RAVER2: variants seen among roughly 807,000 people sequenced by gnomAD.
The protein encoded by RAVER2 is ribonucleoprotein, PTB binding 2, also known as ribonucleoprotein PTB-binding 2.
Under a neutral mutation model 78.1 loss-of-function variants are expected in RAVER2, and 46 were observed. The ratio of observed to expected loss-of-function variants is 0.59; its 90% CI spans 0.46 to 0.75. RAVER2 has a LOEUF of 0.75. RAVER2 is among the 30% of genes least tolerant of loss of function. RAVER2 has a pLI of 0.00. For missense variants in RAVER2, 793 were observed against 837.5 expected (o/e 0.95, Z 0.66); for synonymous variants, 311 against 313.3 (o/e 0.99, Z 0.08).
At chr1:64,800,502 A>G (rs1027383577) in intron 5 of RAVER2, among the ~76,000 whole-genome samples, 2 of 152,178 alleles carry the variant, frequency 1.3e-5, no homozygotes, top group Non-Finnish European at 2.9e-5. Context: ...ATTCTTTTGC[A>G]TATGAATATT....
At chr1:64,753,307 G>C (rs72918064) in intron 1 of RAVER2, among the ~76,000 whole-genome samples, 3,390 of 152,012 alleles carry the variant, frequency 0.022, 146 homozygotes, top group African/African-American at 0.078. Context: ...TGCCCTGCTT[G>C]GCCTCCCAAA....
At chr1:64,812,288 G>A (rs1653632730) in intron 9 of RAVER2, among the ~76,000 whole-genome samples, 1 of 150,770 alleles carries the variant, frequency 6.6e-6, no homozygotes, top group South Asian at 2.1e-4. Context: ...CTTGAACCTG[G>A]GAGGCGGAGG....
chr1:64,831,000 T>C, exon 12 of RAVER2: 1 of 1,610,588 alleles, frequency 6.2e-7, no homozygotes, highest in Non-Finnish European at 8.5e-7. Context: ...AGCTCTCTCC[T>C]AATAACCCCC....
At chr1:64,762,977 C>T (rs1652061896) in intron 1 of RAVER2, among the ~76,000 whole-genome samples, 1 of 152,206 alleles carries the variant, frequency 6.6e-6, no homozygotes. Flanking sequence ...TTTGCAATAC[C>T]AATATTTGAC....
At chr1:64,761,723 G>A (rs1570532494) in intron 1 of RAVER2, among the ~76,000 whole-genome samples, 1 of 151,952 alleles carries the variant, frequency 6.6e-6, no homozygotes, top group East Asian at 1.9e-4. Context: ...GATAAATAAA[G>A]TTTAAAGATA....
chr1:64,822,063 G>A (rs183606843), intron 11 of RAVER2, among the ~76,000 whole-genome samples: 18 of 152,288 alleles, frequency 1.2e-4, no homozygotes, highest in Admixed American at 2.0e-4. Flanking sequence ...CATGGCGGGC[G>A]GATCACGAGG....
At chr1:64,781,297 C>G (rs1333986399) in intron 3 of RAVER2, 83 bp from the exon 4 acceptor site, 2 of 1,317,290 alleles carry the variant, frequency 1.5e-6, no homozygotes, top group Non-Finnish European at 2.0e-6. Context: ...TGCACTTGTT[C>G]TTGAATTTGA....
At chr1:64,801,185 G>A (rs978967331) in intron 5 of RAVER2, among the ~76,000 whole-genome samples, 3 of 151,324 alleles carry the variant, frequency 2.0e-5, no homozygotes, top group South Asian at 2.1e-4. Flanking sequence ...TGCAACCTCC[G>A]CCTCCCAGCC....
At chr1:64,776,520 C>G (rs944558680) in intron 2 of RAVER2, among the ~76,000 whole-genome samples, 1 of 152,202 alleles carries the variant, frequency 6.6e-6, no homozygotes, top group African/African-American at 2.4e-5. Context: ...GCCCATGCTA[C>G]TTAAATTACT....
At chr1:64,812,100 CTT>C (rs1164581223) in intron 9 of RAVER2, among the ~76,000 whole-genome samples, 1 of 151,876 alleles carries the variant, frequency 6.6e-6, no homozygotes, top group Non-Finnish European at 1.5e-5. Flanking sequence ...AATCTCAACA[CTT>C]TGGTGTTGAG....
chr1:64,756,633 A>G (rs905971650), intron 1 of RAVER2, among the ~76,000 whole-genome samples: 1 of 152,218 alleles, frequency 6.6e-6, no homozygotes, highest in East Asian at 1.9e-4. Flanking sequence ...TATACAACCA[A>G]TGTACATCAG....
chr1:64,752,546 C>A (rs1455093444), intron 1 of RAVER2, among the ~76,000 whole-genome samples: 2 of 152,142 alleles, frequency 1.3e-5, no homozygotes, highest in Non-Finnish European at 2.9e-5. Flanking sequence ...ACTCAGTTGC[C>A]TTTCTTCCTC....
intron 11 of RAVER2, among the ~76,000 whole-genome samples, chr1:64,829,229 A>G (rs1654068186): frequency 6.6e-6 from 1 of 152,230 alleles, no homozygotes; most frequent in South Asian, 2.1e-4. Context: ...GAAAGAATAG[A>G]TAACTACATG....
chr1:64,810,345 G>A (rs994023172), intron 9 of RAVER2, among the ~76,000 whole-genome samples: 4 of 152,178 alleles, frequency 2.6e-5, no homozygotes, highest in African/African-American at 9.6e-5. Flanking sequence ...AAGAGAAGGT[G>A]CAAGGTGCCA....
intron 2 of RAVER2, among the ~76,000 whole-genome samples, chr1:64,777,356 A>G (rs369989996): frequency 1.1e-4 from 17 of 152,302 alleles, no homozygotes; most frequent in East Asian, 9.6e-4. Context: ...AGGATTTTAC[A>G]GTGAAACTCC....
chr1:64,832,483 CTG>C (rs761469791), exon 12 of RAVER2: 4 of 152,466 alleles, frequency 2.6e-5, no homozygotes, highest in Non-Finnish European at 5.9e-5. Context: ...TGTTATAAGA[CTG>C]TAATTAATTG....
chr1:64,795,225 T>G (rs144390768), intron 5 of RAVER2, among the ~76,000 whole-genome samples: 1 of 152,292 alleles, frequency 6.6e-6, no homozygotes, highest in Non-Finnish European at 1.5e-5. Flanking sequence ...ATATGTGTTA[T>G]AAATCCTGAA....
At chr1:64,763,739 TA>T (rs965310116) in intron 1 of RAVER2, among the ~76,000 whole-genome samples, 1 of 151,244 alleles carries the variant, frequency 6.6e-6, no homozygotes, top group Non-Finnish European at 1.5e-5. Flanking sequence ...CTGTCTCTAC[TA>T]AAAAAAACAA....
chr1:64,801,088 A>G (rs540374624), intron 5 of RAVER2, among the ~76,000 whole-genome samples: 1 of 149,294 alleles, frequency 6.7e-6, no homozygotes, highest in Non-Finnish European at 1.5e-5. Context: ...ATATATATAT[A>G]TAATTTTGTA....
Sources: gnomAD v4.1 joint callset for allele counts (sites outside exome capture counted in the v4.1 genomes callset) on GRCh38, gnomAD v4.1.1 for gene constraint, MANE v1.5 for transcripts, NCBI Gene and HGNC (gene_info 2026-07-23, HGNC 2026-07-21) for gene names.